Variants in IQGAP2 observed in about 807,000 individuals in gnomAD.
IQGAP2 encodes ras GTPase-activating-like protein IQGAP2.
Under a neutral mutation model 201.3 loss-of-function variants are expected in IQGAP2, and 173 were observed. The ratio of observed to expected loss-of-function variants is 0.86; its 90% CI spans 0.76 to 0.98. IQGAP2 has a LOEUF of 0.98. Ranked by LOEUF, IQGAP2 falls within the 50% of genes least tolerant of loss-of-function variation. The pLI is 0.00. For synonymous variants in IQGAP2, 675 were observed against 673.9 expected (o/e 1.00, Z -0.03); for missense variants, 1,687 against 1,864.8 (o/e 0.90, Z 1.76).
At chr5:76,493,831 A>C (rs951882409) in intron 2 of IQGAP2, among the ~76,000 whole-genome samples, 1 of 152,148 alleles carries the variant, frequency 6.6e-6, no homozygotes, top group African/African-American at 2.4e-5. Flanking sequence ...CCCACTACCA[A>C]GTGGATTTTG....
At chr5:76,524,316 G>A (rs1392045052) in intron 2 of IQGAP2, among the ~76,000 whole-genome samples, 1 of 152,194 alleles carries the variant, frequency 6.6e-6, no homozygotes, top group African/African-American at 2.4e-5. Flanking sequence ...GACTTTTCAA[G>A]ACTCCCTGAG....
intron 1 of IQGAP2, chr5:76,441,606 C>A: frequency 4.2e-6 from 3 of 716,220 alleles, no homozygotes; most frequent in Non-Finnish European, 5.1e-6. Flanking sequence ...GGCTGATTTT[C>A]ACTTCTGGTT....
chr5:76,693,474 G>A (rs985478516), intron 31 of IQGAP2, 32 bp downstream of exon 31: 1 of 1,301,516 alleles, frequency 7.7e-7, no homozygotes, highest in African/African-American at 1.5e-5. Flanking sequence ...AATAATAATA[G>A]ACAGGTGTTG....
At chr5:76,461,805 G>A (rs1754470809) in intron 2 of IQGAP2, 136 bp downstream of exon 2, 5 of 646,414 alleles carry the variant, frequency 7.7e-6, no homozygotes, top group African/African-American at 1.8e-5. Context: ...GAGATGGCCA[G>A]GGAGAGATTC....
At chr5:76,588,483 G>T (rs190195756) in intron 5 of IQGAP2, among the ~76,000 whole-genome samples, 8 of 152,276 alleles carry the variant, frequency 5.3e-5, no homozygotes, top group Admixed American at 2.0e-4. Context: ...TCCTCAAGGG[G>T]TATGTGGTAC....
chr5:76,455,100 T>A (rs1753998281), intron 1 of IQGAP2, among the ~76,000 whole-genome samples: 1 of 152,152 alleles, frequency 6.6e-6, no homozygotes, highest in Non-Finnish European at 1.5e-5. Context: ...AATTTATAAA[T>A]AATTCTTCTA....
Position 76,677,237 on chromosome 5 carries a change from T to C in IQGAP2, c.3547T>C (p.Cys1183Arg), listed in dbSNP as rs746419724. The C allele has an allele frequency of 2.9e-5, 47 of 1,613,372 alleles. No homozygotes were observed. Among genetic ancestry groups the C allele is most frequent in the Non-Finnish European group, 3.8e-5 (45 of 1,179,608 alleles). Residue 1183 changes from cysteine (C) to arginine (R), a missense_variant, in exon 28 of 36, where the codon TGT becomes CGT. By Grantham distance (180) the Cys-to-Arg change is radical. Coordinates refer to ENST00000274364, the MANE Select transcript of IQGAP2 (RefSeq NM_006633.5). ...QEFRKYFKEA[C>R]NVPEPEEKFN... Reference sequence around the variant, plus strand: ...TATTAGGAAATATTTCAAAGAAGCATGTAATGTCCCTGAGCCAGAAGAGAA... The same window carrying C: ...TATTAGGAAATATTTCAAAGAAGCACGTAATGTCCCTGAGCCAGAAGAGAA...
intron 2 of IQGAP2, among the ~76,000 whole-genome samples, chr5:76,495,339 G>A (rs1055752480): frequency 3.3e-5 from 5 of 152,192 alleles, no homozygotes; most frequent in Non-Finnish European, 7.3e-5. Context: ...GCATGAGCCT[G>A]TTAGGTAGGA....
chr5:76,550,163 T>C (rs565568554), intron 2 of IQGAP2, among the ~76,000 whole-genome samples: 12 of 152,144 alleles, frequency 7.9e-5, no homozygotes, highest in Non-Finnish European at 1.6e-4. Flanking sequence ...CAAAATACAA[T>C]GATGGGGACA....
intron 27 of IQGAP2, among the ~76,000 whole-genome samples, chr5:76,676,077 T>TCTCACACA (rs35972592): frequency 4.8e-4 from 65 of 135,668 alleles, no homozygotes; most frequent in Middle Eastern, 3.6e-3. Context: ...TAAGACTCTG[T>TCTCACACA]CACACACACA....
chr5:76,558,296 GC>G (rs1415117091), intron 2 of IQGAP2, among the ~76,000 whole-genome samples: 2 of 151,382 alleles, frequency 1.3e-5, no homozygotes, highest in Admixed American at 1.3e-4. Flanking sequence ...TTTACCCCCA[GC>G]CCCTACCCCT....
intron 35 of IQGAP2, 69 bp from the exon 36 acceptor site, chr5:76,707,131 C>T: frequency 3.8e-6 from 3 of 798,146 alleles, no homozygotes; most frequent in Non-Finnish European, 6.6e-6. Flanking sequence ...TCAACAAATT[C>T]TTCTAATATG....
intron 2 of IQGAP2, among the ~76,000 whole-genome samples, chr5:76,467,630 C>A (rs779328958): frequency 6.6e-6 from 1 of 152,114 alleles, no homozygotes; most frequent in Non-Finnish European, 1.5e-5. Flanking sequence ...CAATTATCCT[C>A]CCAGGTATAT....
chr5:76,696,118 A>G (rs1378214522), intron 32 of IQGAP2, among the ~76,000 whole-genome samples: 1 of 152,130 alleles, frequency 6.6e-6, no homozygotes, highest in East Asian at 1.9e-4. Flanking sequence ...CTTTTAAGAG[A>G]AAACAATCAC....
In IQGAP2 at chr5:76,634,007, C is replaced by T. The variant is rs188694962; in HGVS notation, c.1780+1981C>T. Among the ~76,000 whole-genome samples, 458 of 152,054 alleles carry T rather than the reference C, an allele frequency of 3.0e-3. 1 individual carries two copies. The highest frequency in any genetic ancestry group is 5.0e-3 in the Non-Finnish European group (339 of 67,986). ...TGAGACTGCTATGAATATTCATGTC[C>T]AGGTTTTTTCATGGATATATCTTTT... On this transcript the variant is annotated intron_variant, in intron 15 of 35. Coordinates refer to ENST00000274364, the MANE Select transcript of IQGAP2 (RefSeq NM_006633.5).
chr5:76,485,205 CTA>C (rs1344934687), intron 2 of IQGAP2, among the ~76,000 whole-genome samples: 1 of 152,152 alleles, frequency 6.6e-6, no homozygotes, highest in Non-Finnish European at 1.5e-5. Flanking sequence ...AGAGCTGAGC[CTA>C]TATCCAGAGC....
intron 13 of IQGAP2, among the ~76,000 whole-genome samples, chr5:76,613,042 C>CG: frequency 6.6e-6 from 1 of 152,216 alleles, no homozygotes; most frequent in Admixed American, 6.5e-5. Flanking sequence ...CCAACAGGAA[C>CG]GGCAGTGGCA....
At chr5:76,663,819 CA>C (rs1743489066) in intron 21 of IQGAP2, among the ~76,000 whole-genome samples, 2 of 152,184 alleles carry the variant, frequency 1.3e-5, no homozygotes, top group Non-Finnish European at 2.9e-5. Flanking sequence ...AGGCATGAGC[CA>C]CCACACTTGG....
chr5:76,437,549 C>G (rs1051168920), intron 1 of IQGAP2, among the ~76,000 whole-genome samples: 1 of 152,086 alleles, frequency 6.6e-6, no homozygotes, highest in African/African-American at 2.4e-5. Context: ...CCCACAGGCC[C>G]CACCGTGTGT....
Sources: gnomAD v4.1 joint callset for allele counts (sites outside exome capture counted in the v4.1 genomes callset) on GRCh38, gnomAD v4.1.1 for gene constraint, MANE v1.5 for transcripts, NCBI Gene and HGNC (gene_info 2026-07-23, HGNC 2026-07-21) for gene names.